Variants in DNAH9 observed in about 807,000 individuals in gnomAD.
The protein encoded by DNAH9 is DNAH9 variant protein.
Under a neutral mutation model 471.6 loss-of-function variants are expected in DNAH9, and 345 were observed. That is an observed-to-expected ratio of 0.73 (90% CI 0.67 to 0.80). The LOEUF (loss-of-function observed/expected upper bound fraction) is 0.80. Among genes scored for constraint, DNAH9 ranks in the 30% least tolerant of loss-of-function variants. The pLI is 0.00. For missense variants in DNAH9, 5,407 were observed against 5,609.2 expected, an observed-to-expected ratio of 0.96 and a Z score of 1.15; for synonymous variants, 2,093 against 2,123.6, an observed-to-expected ratio of 0.99 and a Z score of 0.40.
At chr17:11,811,083 T>C (rs895839719) in intron 45 of DNAH9, among the ~76,000 whole-genome samples, 4 of 152,108 alleles carry the variant, frequency 2.6e-5, no homozygotes, top group African/African-American at 9.7e-5. Flanking sequence ...GAGGCCAAGG[T>C]GGGTGGCTCA....
Position 11,942,545 on chromosome 17 carries a change from A to G in DNAH9, c.12843+60A>G, listed in dbSNP as rs569669177. On this transcript the variant is annotated intron_variant, in intron 67 of 68. Coordinates refer to ENST00000262442, the MANE Select transcript of DNAH9 (RefSeq NM_001372.4). Reference sequence around the variant, plus strand: ...TGCTAGAGGACACAGATGGACCCCTATGGGGAAGAAGGAGCACTGGGGGAC... The same window carrying G: ...TGCTAGAGGACACAGATGGACCCCTGTGGGGAAGAAGGAGCACTGGGGGAC... 4.5e-5 allele frequency: 69 copies of G among 1,532,084 alleles called. No individual in the cohort carries two copies. In the African/African-American group the frequency reaches 7.7e-4, roughly 17 times the overall value. The allele number at this position is 1,532,084 out of a possible 1,614,324, so 94.9% of individuals were successfully genotyped here.
At position 11,894,504 on chromosome 17, in the gene DNAH9, T is replaced by C; in HGVS notation, c.11406+8T>C. 1 of 1,609,816 alleles carries C rather than the reference T, an allele frequency of 6.2e-7. No individual in the cohort carries two copies. On this transcript the variant is annotated splice_region_variant and intron_variant, in intron 59 of 68. Transcript: ENST00000262442. ...GCGTGGGGAGCTGTCAAGGTCAGTA[T>C]TGACCCCTAGAAAAAAGCCAAGCTC...
At chr17:11,698,670 C>T (rs1476151381) in intron 22 of DNAH9, among the ~76,000 whole-genome samples, 1 of 152,018 alleles carries the variant, frequency 6.6e-6, no homozygotes, top group Non-Finnish European at 1.5e-5. Context: ...ATACCAGCAG[C>T]TGGAGGGCCC....
intron 26 of DNAH9, among the ~76,000 whole-genome samples, chr17:11,705,906 A>G (rs1490399115): frequency 2.0e-5 from 3 of 152,188 alleles, no homozygotes; most frequent in Admixed American, 2.0e-4. Context: ...TCCATTTACA[A>G]AACACAAAGA....
intron 43 of DNAH9, among the ~76,000 whole-genome samples, chr17:11,804,467 C>T (rs1567813772): frequency 3.9e-5 from 6 of 152,256 alleles, no homozygotes; most frequent in Admixed American, 3.3e-4. Context: ...AGGCAATGGG[C>T]ATGAACAGAA....
intron 67 of DNAH9, among the ~76,000 whole-genome samples, chr17:11,944,939 G>A (rs1311665530): frequency 1.3e-5 from 2 of 152,340 alleles, no homozygotes; most frequent in East Asian, 3.9e-4. Context: ...AGAGTTCAGA[G>A]AAGAGAGTTT....
intron 50 of DNAH9, among the ~76,000 whole-genome samples, chr17:11,867,039 C>T (rs1023327718): frequency 6.6e-6 from 1 of 152,212 alleles, no homozygotes; most frequent in African/African-American, 2.4e-5. Context: ...GACCTGTGCC[C>T]ACTCTCTGGC....
chr17:11,696,434 T>C (rs181441299), intron 22 of DNAH9, among the ~76,000 whole-genome samples: 266 of 152,326 alleles, frequency 1.7e-3, no homozygotes, highest in Non-Finnish European at 5.9e-4. Context: ...GGACTTTGTA[T>C]TGTTGGCCAT....
chr17:11,808,449 C>G (rs537607712), intron 44 of DNAH9, among the ~76,000 whole-genome samples: 1 of 152,118 alleles, frequency 6.6e-6, no homozygotes. Context: ...TAGGAAGTCA[C>G]GGTGTAACTT....
At chr17:11,876,109 A>G (rs1972471185) in intron 53 of DNAH9, among the ~76,000 whole-genome samples, 1 of 152,132 alleles carries the variant, frequency 6.6e-6, no homozygotes, top group Non-Finnish European at 1.5e-5. Flanking sequence ...TTCCCTGGGG[A>G]GTTCGCCATT....
intron 2 of DNAH9, among the ~76,000 whole-genome samples, chr17:11,608,589 G>C (rs1041308462): frequency 3.9e-5 from 6 of 152,116 alleles, no homozygotes; most frequent in African/African-American, 1.4e-4. Flanking sequence ...TCATTTCAGG[G>C]CTGAGCGCAA....
chr17:11,869,169 G>A lies in DNAH9; in HGVS notation c.9969G>A (p.Arg3323=), dbSNP rs761706308. Residue 3323 remains arginine (R), a synonymous_variant, in exon 51 of 69, where the codon AGG becomes AGA. Coordinates refer to ENST00000262442, the MANE Select transcript of DNAH9 (RefSeq NM_001372.4). ...AAAACCTGGCAAAGCTCACAGCCAG[G>A]TTTGAGAAAGCAACAGCAGACAAAC... ...LNENLAKLTA[R]FEKATADKLK... is the part of the protein sequence containing the mutation. 6.2e-7 allele frequency: 1 copy of A among 1,613,746 alleles called. No homozygotes were observed. Among genetic ancestry groups the A allele is most frequent in the Non-Finnish European group, 8.5e-7 (1 of 1,179,818 alleles).
At position 11,902,859 on chromosome 17, in the gene DNAH9, G is replaced by A. The variant is rs1305925863; in HGVS notation, c.11547G>A (p.Gln3849=). 1 of 1,613,970 alleles carries A rather than the reference G, an allele frequency of 6.2e-7. No homozygotes were observed. Among genetic ancestry groups the A allele is most frequent in the Non-Finnish European group, 8.5e-7 (1 of 1,179,866 alleles). ...AGTGGAAGAACAAGACAGCCCTGCA[G>A]CGCCTCTGCATGCTGAGAGCCATGC... ...PQEWKNKTAL[Q]RLCMLRAMRP... The change falls in exon 60 of 69, where the codon CAG becomes CAA. Residue 3849 remains glutamine (Q), a synonymous_variant. Coordinates refer to ENST00000262442, the MANE Select transcript of DNAH9 (RefSeq NM_001372.4).
rs1223377045 is a variant in DNAH9 at position 11,937,291 on chromosome 17, G to A, written c.12490-61G>A. On this transcript the variant is annotated intron_variant, in intron 65 of 68. Coordinates refer to ENST00000262442, the MANE Select transcript of DNAH9 (RefSeq NM_001372.4). This position sits in a 1 kb window ranked among gnomAD's most constrained non-coding sequence, Gnocchi z 4.1. ...TGGACTCCCTGCAGAGGACAAGCCG[G>A]TGTGGGAGATGGGAGGTACGTCCTG... 1.9e-6 allele frequency: 3 copies of A among 1,549,090 alleles called. No homozygotes were observed. Among genetic ancestry groups the A allele is most frequent in the Admixed American group, 3.7e-5 (2 of 54,598 alleles).
At chr17:11,902,498 T>C (rs1471439611) in intron 59 of DNAH9, among the ~76,000 whole-genome samples, 3 of 152,158 alleles carry the variant, frequency 2.0e-5, no homozygotes, top group Non-Finnish European at 4.4e-5. Context: ...TCCCAAACAT[T>C]TTATGCGCTA....
intron 45 of DNAH9, among the ~76,000 whole-genome samples, chr17:11,820,198 T>C (rs1970258686): frequency 6.6e-6 from 1 of 152,322 alleles, no homozygotes; most frequent in Admixed American, 6.5e-5. Flanking sequence ...ATTAATGTAC[T>C]AAATTATTTT....
At chr17:11,765,409 C>G (rs545090368) in intron 36 of DNAH9, among the ~76,000 whole-genome samples, 3 of 152,276 alleles carry the variant, frequency 2.0e-5, no homozygotes, top group South Asian at 4.1e-4. Context: ...TCTAGAAATC[C>G]AAAATGAAAG....
At chr17:11,759,498 T>C (rs1967558062) in intron 35 of DNAH9, among the ~76,000 whole-genome samples, 1 of 149,742 alleles carries the variant, frequency 6.7e-6, no homozygotes. Flanking sequence ...GTGATATACA[T>C]AGGTATATAT....
At position 11,632,664 on chromosome 17, in the gene DNAH9, A is replaced by G. The variant is rs1434017217; in HGVS notation, c.1596A>G (p.Gln532=). 6.2e-7 allele frequency: 1 copy of G among 1,610,278 alleles called. No homozygotes were observed. The highest frequency in any genetic ancestry group is 8.5e-7 in the Non-Finnish European group (1 of 1,176,660). ...GAAGATTGGGGACTATCTTTATTCA[A>G]GCTTTTGATGATGCACCTGGCTTGG... The part of the protein sequence containing the change: ...LDRRLGTIFI[Q]AFDDAPGLEH... The change falls in exon 8 of 69, where the codon CAA becomes CAG. Residue 532 remains glutamine, a synonymous_variant. Coordinates refer to ENST00000262442, the MANE Select transcript of DNAH9 (RefSeq NM_001372.4).
Sources: gnomAD v4.1 joint callset for allele counts (sites outside exome capture counted in the v4.1 genomes callset) on GRCh38, gnomAD v4.1.1 for gene constraint, Gnocchi (gnomAD v3.1) non-coding constraint, MANE v1.5 for transcripts, NCBI Gene and HGNC (gene_info 2026-07-23, HGNC 2026-07-21) for gene names.